The following BMPR1B variants were observed in gnomAD, a reference collection of about 807,000 sequenced individuals.
BMPR1B encodes the protein bone morphogenetic protein receptor type 1B, also known as bone morphogenetic protein receptor type-1B.
BMPR1B carries 12 observed loss-of-function variants against 59.1 expected under a neutral mutation model. That is an observed-to-expected ratio of 0.20 (90% CI 0.13 to 0.33). BMPR1B has a LOEUF of 0.33. Among genes scored for constraint, BMPR1B ranks in the 10% least tolerant of loss-of-function variants. BMPR1B has a pLI of 1.00. For missense variants in BMPR1B, 550 were observed against 610.9 expected, an observed-to-expected ratio of 0.90 and a Z score of 1.05; for synonymous variants, 237 against 207.3, an observed-to-expected ratio of 1.14 and a Z score of -1.23.
intron 2 of BMPR1B, among the ~76,000 whole-genome samples, chr4:94,968,515 C>A (rs999437445): frequency 1.3e-5 from 2 of 152,060 alleles, no homozygotes; most frequent in Non-Finnish European, 2.9e-5. Flanking sequence ...AAAATTTGCA[C>A]TGCTTGTTAA....
In BMPR1B at chr4:94,894,340, A is replaced by G. The variant is rs140035713; in HGVS notation, c.-113+18440A>G. ...CAACTGTTCTTGAATAGTTTCTCCA[A>G]TATATTGGCACAGACCAGCTTTTCT... is the stretch of plus-strand genomic sequence containing the variant. On this transcript the variant is annotated intron_variant, in intron 2 of 12. Coordinates refer to ENST00000515059, the MANE Select transcript of BMPR1B (RefSeq NM_001203.3). Among the ~76,000 whole-genome samples, 6 of 152,124 alleles carry G rather than the reference A, an allele frequency of 3.9e-5. No individual in the cohort carries two copies. The East Asian group carries it at 1.2e-3, about 30-fold the overall frequency.
At chr4:95,053,086 C>T (rs1726627638) in intron 3 of BMPR1B, among the ~76,000 whole-genome samples, 1 of 152,126 alleles carries the variant, frequency 6.6e-6, no homozygotes, top group Non-Finnish European at 1.5e-5. Flanking sequence ...AGCAAAGAGG[C>T]CATATGCTAC....
chr4:95,015,155 A>G (rs1287484781), intron 3 of BMPR1B, among the ~76,000 whole-genome samples: 2 of 152,210 alleles, frequency 1.3e-5, no homozygotes, highest in South Asian at 2.1e-4. Context: ...CTCAGCACCC[A>G]TAAACATACA....
intron 2 of BMPR1B, among the ~76,000 whole-genome samples, chr4:94,911,511 A>G (rs1489641576): frequency 6.6e-6 from 1 of 152,114 alleles, no homozygotes; most frequent in East Asian, 1.9e-4. Context: ...TTTGCAGTAC[A>G]TGGGCTTTAT....
At chr4:94,989,466 A>G (rs1430306859) in intron 2 of BMPR1B, among the ~76,000 whole-genome samples, 1 of 152,106 alleles carries the variant, frequency 6.6e-6, no homozygotes, top group Non-Finnish European at 1.5e-5. Context: ...AGGAAGCATT[A>G]AATTAAAGCA....
chr4:95,021,071 G>A (rs751609833), intron 3 of BMPR1B, among the ~76,000 whole-genome samples: 3 of 152,090 alleles, frequency 2.0e-5, no homozygotes, highest in South Asian at 2.1e-4. Context: ...AAGAAAATAC[G>A]CTGAAAGAAA....
At chr4:95,118,002 A>T (rs1271506192) in intron 6 of BMPR1B, among the ~76,000 whole-genome samples, 1 of 152,078 alleles carries the variant, frequency 6.6e-6, no homozygotes, top group Non-Finnish European at 1.5e-5. Context: ...GGAGATGAGG[A>T]TGCAGGAGTG....
chr4:94,835,312 A>G (rs1189541850), intron 1 of BMPR1B, among the ~76,000 whole-genome samples: 1 of 152,114 alleles, frequency 6.6e-6, no homozygotes, highest in Non-Finnish European at 1.5e-5. Context: ...TGGGATTACA[A>G]ACGTGTACCA....
intron 10 of BMPR1B, among the ~76,000 whole-genome samples, chr4:95,140,041 G>T (rs755893536): frequency 1.3e-5 from 2 of 152,138 alleles, no homozygotes; most frequent in Admixed American, 1.3e-4. Context: ...GACTGGAGCT[G>T]TTCCTATTCG....
chr4:95,104,829 T>G (rs2149265912), intron 4 of BMPR1B, among the ~76,000 whole-genome samples: 1 of 152,162 alleles, frequency 6.6e-6, no homozygotes, highest in Middle Eastern at 3.4e-3. Context: ...CTGGTAAAGG[T>G]GCAAATGCCA....
intron 1 of BMPR1B, among the ~76,000 whole-genome samples, chr4:94,806,523 A>C (rs1723608113): frequency 6.6e-6 from 1 of 152,232 alleles, no homozygotes; most frequent in Non-Finnish European, 1.5e-5. Context: ...GATGAAATAG[A>C]TCATTTGGTA....
intron 2 of BMPR1B, among the ~76,000 whole-genome samples, chr4:94,946,944 C>T (rs1273201453): frequency 6.6e-6 from 1 of 151,910 alleles, no homozygotes; most frequent in East Asian, 1.9e-4. Flanking sequence ...CCCTGCTACC[C>T]GGGAGACTGA....
intron 2 of BMPR1B, among the ~76,000 whole-genome samples, chr4:94,943,210 G>A (rs1056366083): frequency 3.3e-5 from 5 of 151,218 alleles, no homozygotes; most frequent in African/African-American, 4.9e-5. Context: ...GCACGATCTC[G>A]GCTCACCGCA....
chr4:95,115,566 A>G, intron 5 of BMPR1B, 119 bp from the exon 6 acceptor site: 1 of 839,804 alleles, frequency 1.2e-6, no homozygotes, highest in Non-Finnish European at 2.0e-6. Context: ...AAGGTGTTTG[A>G]GTGAAATTGT....
At chr4:94,801,422 G>A (rs73838370) in intron 1 of BMPR1B, among the ~76,000 whole-genome samples, 1,999 of 152,166 alleles carry the variant, frequency 0.013, 45 homozygotes, top group African/African-American at 0.045. Flanking sequence ...AGTTAGAGCC[G>A]ACAACCAAAG....
At chr4:94,897,615 G>C (rs1194924114) in intron 2 of BMPR1B, among the ~76,000 whole-genome samples, 1 of 152,002 alleles carries the variant, frequency 6.6e-6, no homozygotes, top group Non-Finnish European at 1.5e-5. Context: ...ATGTTCTTCT[G>C]TATGTTGCTT....
At chr4:94,886,367 A>G (rs1186157122) in intron 2 of BMPR1B, among the ~76,000 whole-genome samples, 1 of 152,180 alleles carries the variant, frequency 6.6e-6, no homozygotes, top group African/African-American at 2.4e-5. Flanking sequence ...GAAGTTAACA[A>G]ATTTTCAGTA....
chr4:94,904,943 A>G (rs1213515508), intron 2 of BMPR1B, among the ~76,000 whole-genome samples: 1 of 152,060 alleles, frequency 6.6e-6, no homozygotes, highest in African/African-American at 2.4e-5. Flanking sequence ...TCTGCCCTAA[A>G]TTTTAAGGAT....
rs1160258168 is a variant in BMPR1B, at chr4:95,152,777, A to G, written c.1383+4A>G. On this transcript the variant is annotated splice_donor_region_variant and intron_variant, in intron 12 of 12. Coordinates refer to ENST00000515059, the MANE Select transcript of BMPR1B (RefSeq NM_001203.3). ...AAACCGGTGGAGCAGTGATGAGGTA[A>G]GGCTTGAGGTAACCATGTGGCTGTG... 3.1e-6 allele frequency: 5 copies of G among 1,612,042 alleles called. No individual in the cohort carries two copies. The highest frequency in any genetic ancestry group is 4.2e-6 in the Non-Finnish European group (5 of 1,179,116).
Sources: allele counts gnomAD v4.1 joint callset (sites outside exome capture counted in the v4.1 genomes callset), GRCh38; gene constraint gnomAD v4.1.1; transcripts MANE v1.5; gene names NCBI Gene and HGNC (gene_info 2026-07-23, HGNC 2026-07-21).